The following FBXL13 variants were observed in gnomAD, a reference collection of about 807,000 sequenced individuals.
The protein encoded by FBXL13 is F-box and leucine-rich repeat protein 13.
FBXL13 carries 67 observed loss-of-function variants against 83.6 expected under a neutral mutation model. That is an observed-to-expected ratio of 0.80 (90% CI 0.66 to 0.98). The LOEUF (loss-of-function observed/expected upper bound fraction) is 0.98. FBXL13 is among the 50% of genes least tolerant of loss of function. The probability of loss-of-function intolerance (pLI) is 0.00; values close to 1 mark genes in which losing one functional copy is unlikely to be tolerated. For missense variants in FBXL13, 822 were observed against 866.5 expected (o/e 0.95, Z 0.64); for synonymous variants, 272 against 299.5 (o/e 0.91, Z 0.95).
intron 11 of FBXL13, among the ~76,000 whole-genome samples, chr7:102,902,083 C>T (rs1813031306): frequency 6.6e-6 from 1 of 152,152 alleles, no homozygotes; most frequent in Non-Finnish European, 1.5e-5. Context: ...TCTCCACATC[C>T]TCACCAGCAT....
At chr7:103,068,750 G>T (rs76066808) in intron 1 of FBXL13, among the ~76,000 whole-genome samples, 1,688 of 152,264 alleles carry the variant, frequency 0.011, 36 homozygotes, top group African/African-American at 0.039. Flanking sequence ...AACTTGAGGT[G>T]CCCCAAGTGT....
At chr7:102,926,131 G>T in intron 10 of FBXL13, 143 bp downstream of exon 11, 1 of 652,428 alleles carries the variant, frequency 1.5e-6, no homozygotes, top group Non-Finnish European at 2.6e-6. Flanking sequence ...GGACTTGAAA[G>T]CAGCAGACCC....
At chr7:102,870,427 A>G (rs1808374134) in intron 16 of FBXL13, among the ~76,000 whole-genome samples, 1 of 152,242 alleles carries the variant, frequency 6.6e-6, no homozygotes, top group Admixed American at 6.5e-5. Flanking sequence ...TATGGACAAC[A>G]TGATCAATAT....
chr7:103,039,316 A>T (rs1419789992), intron 2 of FBXL13, among the ~76,000 whole-genome samples: 1 of 152,252 alleles, frequency 6.6e-6, no homozygotes, highest in Non-Finnish European at 1.5e-5. Flanking sequence ...GAAATATGGG[A>T]CTAGGTGAAA....
intron 8 of FBXL13, among the ~76,000 whole-genome samples, chr7:102,949,356 A>T (rs528867152): frequency 6.6e-6 from 1 of 152,242 alleles, no homozygotes; most frequent in East Asian, 1.9e-4. Flanking sequence ...TGTTGTACAG[A>T]TAATTTAGTC....
chr7:102,902,438 T>A (rs1201336239), intron 11 of FBXL13, among the ~76,000 whole-genome samples: 1 of 152,206 alleles, frequency 6.6e-6, no homozygotes, highest in East Asian at 1.9e-4. Context: ...TTCGACTTCA[T>A]GTGATCTCAT....
chr7:102,877,466 C>T lies in FBXL13; in HGVS notation c.1635+1G>A, dbSNP rs1809420141. On this transcript the variant is annotated splice_donor_variant, in intron 16 of 19. Transcript: ENST00000313221. LOFTEE classifies it high-confidence loss of function. ...CATTGTACTGTTTTGAATTTTTTTA[C>T]CTCATTAGAGATGTCTGTTCCAGAG... 6.3e-7 allele frequency: 1 copy of T among 1,576,936 alleles called. No individual in the cohort carries two copies. Among genetic ancestry groups the T allele is most frequent in the Non-Finnish European group, 8.6e-7 (1 of 1,166,736 alleles).
chr7:103,032,063 A>G (rs1413232198), intron 2 of FBXL13, among the ~76,000 whole-genome samples: 2 of 152,220 alleles, frequency 1.3e-5, no homozygotes, highest in African/African-American at 4.8e-5. Context: ...AATAGCACAC[A>G]CACTAGTTTC....
chr7:103,072,384 C>T (rs1197554382), intron 1 of FBXL13, among the ~76,000 whole-genome samples: 1 of 152,130 alleles, frequency 6.6e-6, no homozygotes, highest in Non-Finnish European at 1.5e-5. Flanking sequence ...TGAAGGACTC[C>T]TCAGGAGAAC....
chr7:103,005,063 T>G (rs1324847376), intron 6 of FBXL13, among the ~76,000 whole-genome samples: 1 of 152,212 alleles, frequency 6.6e-6, no homozygotes, highest in Non-Finnish European at 1.5e-5. Flanking sequence ...CAACAAAAAT[T>G]ATATTGACAA....
At chr7:102,995,478 CAAAAAAAAAAAAA>C (rs1158263069) in intron 6 of FBXL13, among the ~76,000 whole-genome samples, 3 of 28,602 alleles carry the variant, frequency 1.0e-4, no homozygotes, top group South Asian at 1.4e-3. Flanking sequence ...GACTCCATCT[CAAAAAAAAAAAAA>C]AAAAAAAAAA....
intron 11 of FBXL13, among the ~76,000 whole-genome samples, chr7:102,901,122 T>A (rs1007672946): frequency 6.6e-6 from 1 of 152,210 alleles, no homozygotes; most frequent in Non-Finnish European, 1.5e-5. Context: ...ATTGTGGCCA[T>A]ATGGAAATGC....
Position 103,028,763 on chromosome 7 carries a change from C to A in FBXL13, c.69-15G>T, listed in dbSNP as rs773519663. 10 of 1,531,012 alleles carry A rather than the reference C, an allele frequency of 6.5e-6. No individual in the cohort carries two copies. The highest frequency in any genetic ancestry group is 1.3e-5 in the South Asian group (1 of 74,172). 94.8% of individuals were successfully genotyped at this position (1,531,012 alleles called of 1,614,324 possible). On this transcript the variant is annotated splice_polypyrimidine_tract_variant and intron_variant, in intron 3 of 19. Transcript: ENST00000313221. ...CTCTCCAAGTGCTGCAGGCAGAAGA[C>A]ATTTTTTAAAAAATAATATTTTGAT...
chr7:103,029,500 AAG>A (rs1794282544), intron 2 of FBXL13, 82 bp from the exon 4 acceptor site: 1 of 751,996 alleles, frequency 1.3e-6, no homozygotes, highest in South Asian at 2.5e-5. Flanking sequence ...ACTCAAGAAA[AAG>A]AGAGCAATGG....
chr7:103,025,361 C>T (rs1164483114), intron 5 of FBXL13, 131 bp from the exon 7 acceptor site: 1 of 537,570 alleles, frequency 1.9e-6, no homozygotes, highest in East Asian at 3.2e-5. Flanking sequence ...ATCATTACTA[C>T]ATAAACTATA....
intron 17 of FBXL13, 45 bp from the exon 19 acceptor site, chr7:102,833,019 C>G (rs1178945739): frequency 3.7e-6 from 6 of 1,603,484 alleles, no homozygotes; most frequent in Non-Finnish European, 8.5e-7. Flanking sequence ...CTTTAGTCAT[C>G]TAGAACTGTC....
At chr7:103,011,364 G>A (rs182010803) in intron 6 of FBXL13, among the ~76,000 whole-genome samples, 14 of 152,312 alleles carry the variant, frequency 9.2e-5, no homozygotes, top group Middle Eastern at 3.4e-3. Flanking sequence ...GCCAGGCGTG[G>A]TGGCTCACGC....
chr7:102,838,477 G>A (rs905954184), intron 17 of FBXL13, among the ~76,000 whole-genome samples: 2 of 151,828 alleles, frequency 1.3e-5, no homozygotes, highest in African/African-American at 2.4e-5. Context: ...TTGAGACAGA[G>A]TGTCACTCTG....
intron 1 of FBXL13, among the ~76,000 whole-genome samples, chr7:103,062,172 A>G (rs1797990583): frequency 6.6e-6 from 1 of 152,138 alleles, no homozygotes; most frequent in East Asian, 1.9e-4. Context: ...TTTGAAGAGT[A>G]CTTTCTTCCT....
Sources: allele counts gnomAD v4.1 joint callset (sites outside exome capture counted in the v4.1 genomes callset), GRCh38; gene constraint gnomAD v4.1.1; transcripts MANE v1.5; gene names NCBI Gene and HGNC (gene_info 2026-07-23, HGNC 2026-07-21).